The following NDE1 variants were observed in gnomAD, a reference collection of about 807,000 sequenced individuals.
The protein encoded by NDE1 is nuclear distribution protein nudE homolog 1.
A neutral mutation model predicts 43.4 loss-of-function variants in NDE1; 28 were observed. The ratio of observed to expected loss-of-function variants is 0.65; its 90% CI spans 0.48 to 0.89. NDE1 has a LOEUF of 0.89. NDE1 is among the 40% of genes least tolerant of loss of function. The pLI, the probability that NDE1 is intolerant of heterozygous loss-of-function variation, is 0.00. For missense variants in NDE1, 441 were observed against 434.1 expected (o/e 1.02, Z -0.14); for synonymous variants, 184 against 172.0 (o/e 1.07, Z -0.55).
intron 3 of NDE1, chr16:15,672,891 C>A (rs967862694): frequency 6.6e-6 from 1 of 152,292 alleles, no homozygotes; most frequent in Admixed American, 6.5e-5. Flanking sequence ...GCAGATACTT[C>A]TCTGCTTACA....
At chr16:15,712,616 C>G (rs907188952) in intron 8 of NDE1, among the ~76,000 whole-genome samples, 1 of 152,006 alleles carries the variant, frequency 6.6e-6, no homozygotes, top group Non-Finnish European at 1.5e-5. Context: ...AAGTTGATAC[C>G]CTGGGGCGGT....
At chr16:15,684,644 A>G (rs1697519217) in intron 4 of NDE1, 1 of 151,968 alleles carries the variant, frequency 6.6e-6, no homozygotes, top group Admixed American at 6.6e-5. Flanking sequence ...GATTTTGACC[A>G]AATAAGGAGT....
At chr16:15,694,883 T>C in intron 7 of NDE1, 1 of 985,400 alleles carries the variant, frequency 1.0e-6, no homozygotes, top group Non-Finnish European at 1.2e-6. Context: ...ACTTGGAAAC[T>C]GCCTTCTCTT....
rs1404057801 is a variant in NDE1, at chr16:15,650,247, A to AGCCGCCTCTGCCGCC, written c.-84_-70dup. ...GGGCCGGGGCCGCACCGCCCTTCGC[A>AGCCGCCTCTGCCGCC]GCCGCCTCTGCCGCCGCCGCCGCGT... On this transcript the variant is annotated 5_prime_UTR_variant, in exon 1 of 9. Coordinates refer to ENST00000396354, the MANE Select transcript of NDE1 (RefSeq NM_017668.3). 1 of 294,158 alleles carries AGCCGCCTCTGCCGCC rather than the reference A, an allele frequency of 3.4e-6. No homozygotes were observed. The highest frequency in any genetic ancestry group is 7.0e-6 in the Non-Finnish European group (1 of 143,578). The allele number at this position is 294,158 out of a possible 1,614,324, so 18.2% of individuals were successfully genotyped here. A position where few individuals can be genotyped will look rare whatever the true frequency, so the allele number is the denominator to read the frequency against.
upstream of NDE1, among the ~76,000 whole-genome samples, chr16:15,649,710 G>A (rs947264394): frequency 5.3e-5 from 8 of 152,164 alleles, no homozygotes; most frequent in African/African-American, 1.7e-4. Flanking sequence ...GGCAGGACTA[G>A]GACTCAAAGC....
At chr16:15,683,053 C>T (rs8061926) in intron 4 of NDE1, among the ~76,000 whole-genome samples, 85,305 of 151,488 alleles carry the variant, frequency 0.56, 24,359 homozygotes, top group Middle Eastern at 0.67. Context: ...CACAGTGTTT[C>T]CCAGGCTGGT....
chr16:15,694,441 G>A (rs1449771066), intron 7 of NDE1, 185 bp downstream of exon 7: 11 of 1,433,312 alleles, frequency 7.7e-6, no homozygotes, highest in Admixed American at 2.0e-5. Context: ...AAAATCCTGG[G>A]TTCAAGCGAT....
intron 8 of NDE1, 167 bp from the exon 9 acceptor site, chr16:15,724,024 T>C (rs995527060): frequency 3.9e-5 from 57 of 1,465,420 alleles, no homozygotes; most frequent in Middle Eastern, 2.4e-4. Flanking sequence ...CAAGACAAGA[T>C]AAGACAGCCT....
At chr16:15,703,371 G>A in intron 8 of NDE1, 1 of 237,858 alleles carries the variant, frequency 4.2e-6, no homozygotes, top group Non-Finnish European at 8.3e-6. Flanking sequence ...AATGAATTGG[G>A]AGTGGGGGCC....
chr16:15,714,880 G>T (rs368788669), intron 8 of NDE1: 16 of 1,611,994 alleles, frequency 9.9e-6, no homozygotes, highest in Non-Finnish European at 1.4e-5. Flanking sequence ...CCTGAGAGAC[G>T]GGGTCCTCCC....
rs565026758 is a variant in NDE1 at position 15,701,546 on chromosome 16, A to G, written c.947+4686A>G. ...GTAACCAGGGTGACCATCAAGTAAA[A>G]TTAAAGCACAAGATCATTGTAGGAG... On this transcript the variant is annotated intron_variant, in intron 8 of 8. Coordinates refer to ENST00000396354, the MANE Select transcript of NDE1 (RefSeq NM_017668.3). 3 of 152,316 alleles carry G rather than the reference A, an allele frequency of 2.0e-5. No individual in the cohort carries two copies. In the East Asian group the frequency reaches 5.8e-4, roughly 29 times the overall value. 9.4% of individuals were successfully genotyped at this position (152,316 alleles called of 1,614,324 possible).
At chr16:15,643,477 C>G in exon 1 of NDE1, 1 of 412,066 alleles carries the variant, frequency 2.4e-6, no homozygotes, top group Non-Finnish European at 4.8e-6. Context: ...AGGAAAAAAC[C>G]TGCCAACCAG....
intron 4 of NDE1, among the ~76,000 whole-genome samples, chr16:15,682,286 A>G (rs1172632939): frequency 1.3e-5 from 2 of 152,128 alleles, no homozygotes; most frequent in Non-Finnish European, 2.9e-5. Context: ...AGCTGGGACT[A>G]CAGTCATGTG....
At position 15,677,545 on chromosome 16, in the gene NDE1, C is replaced by T. The variant is rs921709672; in HGVS notation, c.238-256C>T. ...AGGTTGCAGTGAGCCAGGATCTTGCCGCTGCACTCAAGCCTGGGCAACAGA... is the reference window on the plus strand; with the variant it reads ...AGGTTGCAGTGAGCCAGGATCTTGCTGCTGCACTCAAGCCTGGGCAACAGA... On this transcript the variant is annotated intron_variant, in intron 3 of 8. Coordinates refer to ENST00000396354, the MANE Select transcript of NDE1 (RefSeq NM_017668.3). Among the ~76,000 whole-genome samples, 8 of 151,490 alleles carry T rather than the reference C, an allele frequency of 5.3e-5. 1 individual carries two copies. The highest frequency in any genetic ancestry group is 1.3e-4 in the Admixed American group (2 of 15,182).
exon 1 of NDE1, chr16:15,643,678 C>T (rs1184622688): frequency 1.3e-5 from 3 of 230,716 alleles, no homozygotes; most frequent in African/African-American, 7.2e-5. Context: ...AACCTAGTGG[C>T]AAGTGGAGAA....
At chr16:15,656,323 A>G (rs935027239) in intron 1 of NDE1, among the ~76,000 whole-genome samples, 1 of 151,982 alleles carries the variant, frequency 6.6e-6, no homozygotes, top group Non-Finnish European at 1.5e-5. Context: ...AGGCTGTGAT[A>G]CAAATCCAGT....
At chr16:15,712,799 C>T (rs1678720791) in intron 8 of NDE1, 1 of 137,006 alleles carries the variant, frequency 7.3e-6, no homozygotes, top group South Asian at 2.3e-4. Flanking sequence ...GTCAGGGGAC[C>T]TCTGGCCATT....
In NDE1 at chr16:15,691,253, C is replaced by T. The variant is rs762421996; in HGVS notation, c.633C>T (p.Ser211=). The change falls in exon 6 of 9, where the codon TCC becomes TCT. Residue 211 remains serine (S), a synonymous_variant. Coordinates refer to ENST00000396354, the MANE Select transcript of NDE1 (RefSeq NM_017668.3). ...ACACAGCTGTGCAGGCCACGGGCTC[C>T]GTGCCGTCCACGCCCATTGCTCACC... The part of the protein sequence containing the change: ...RTDTAVQATG[S]VPSTPIAHRG... 32 of 1,614,044 alleles carry T rather than the reference C, an allele frequency of 2.0e-5. No homozygotes were observed. The highest frequency in any genetic ancestry group is 5.5e-5 in the South Asian group (5 of 91,078).
intron 4 of NDE1, among the ~76,000 whole-genome samples, chr16:15,680,292 G>GT (rs1421937758): frequency 1.3e-5 from 2 of 152,110 alleles, no homozygotes; most frequent in Non-Finnish European, 2.9e-5. Flanking sequence ...TATTCAGAAT[G>GT]TGGGGGGGCC....
Sources: allele counts gnomAD v4.1 joint callset (sites outside exome capture counted in the v4.1 genomes callset), GRCh38; gene constraint gnomAD v4.1.1; transcripts MANE v1.5; gene names NCBI Gene and HGNC (gene_info 2026-07-23, HGNC 2026-07-21).